Variants in TAFA1 observed in about 807,000 individuals in gnomAD.
TAFA1 encodes the protein chemokine-like protein TAFA-1.
TAFA1 carries 4 observed loss-of-function variants against 18.5 expected under a neutral mutation model. The ratio of observed to expected loss-of-function variants is 0.22; its 90% CI spans 0.11 to 0.49. The LOEUF is 0.49. TAFA1 is among the 20% of genes least tolerant of loss of function. The pLI is 0.98. For missense variants in TAFA1, 147 were observed against 169.0 expected, an observed-to-expected ratio of 0.87 and a Z score of 0.72; for synonymous variants, 56 against 55.2, an observed-to-expected ratio of 1.01 and a Z score of -0.06.
chr3:68,515,001 C>A (rs951654184), intron 3 of TAFA1, among the ~76,000 whole-genome samples: 14 of 152,126 alleles, frequency 9.2e-5, no homozygotes, highest in African/African-American at 3.4e-4. Flanking sequence ...TCAAACTACT[C>A]ATGGACAGAG....
Position 68,331,720 on chromosome 3 carries a change from C to T in TAFA1, c.119-85560C>T, listed in dbSNP as rs576288504. On this transcript the variant is annotated intron_variant, in intron 2 of 4. Transcript: ENST00000478136. ...CCTGATTGCAAATTATATTACAGAG[C>T]TACAGGTGTAAAACAGATACACAGA... 9.2e-5 allele frequency among the ~76,000 whole-genome samples: 14 copies of T among 152,092 alleles called. No homozygotes were observed. The South Asian group carries it at 2.9e-3, about 32-fold the overall frequency.
chr3:68,359,557 G>T (rs2069433018), intron 2 of TAFA1, among the ~76,000 whole-genome samples: 1 of 151,922 alleles, frequency 6.6e-6, no homozygotes, highest in African/African-American at 2.4e-5. Flanking sequence ...ATTCACCATG[G>T]AATGTGGGCA....
intron 2 of TAFA1, among the ~76,000 whole-genome samples, chr3:68,285,891 A>AT (rs1217065264): frequency 2.0e-5 from 3 of 152,208 alleles, no homozygotes; most frequent in Admixed American, 2.0e-4. Context: ...AGACTTATGA[A>AT]TTAGGAGACT....
intron 2 of TAFA1, among the ~76,000 whole-genome samples, chr3:68,234,790 T>C (rs768011340): frequency 5.9e-5 from 9 of 152,224 alleles, no homozygotes; most frequent in Non-Finnish European, 1.0e-4. Context: ...TAAATATACA[T>C]AGATTTCCTC....
intron 2 of TAFA1, among the ~76,000 whole-genome samples, chr3:68,101,170 T>C (rs2065143186): frequency 6.6e-6 from 1 of 152,068 alleles, no homozygotes; most frequent in African/African-American, 2.4e-5. Context: ...CCACCCTCCA[T>C]CCTCTGATAC....
At chr3:68,063,889 G>A (rs2064638637) in intron 2 of TAFA1, among the ~76,000 whole-genome samples, 1 of 152,158 alleles carries the variant, frequency 6.6e-6, no homozygotes, top group Non-Finnish European at 1.5e-5. Context: ...CGGAACCAGT[G>A]TAGCAGTAAA....
At chr3:68,106,085 C>T (rs1160592821) in intron 2 of TAFA1, among the ~76,000 whole-genome samples, 2 of 151,708 alleles carry the variant, frequency 1.3e-5, no homozygotes, top group Non-Finnish European at 1.5e-5. Flanking sequence ...CTAACTTTCA[C>T]ACACAAAAAT....
intron 2 of TAFA1, among the ~76,000 whole-genome samples, chr3:68,079,291 G>GT (rs1307591271): frequency 1.3e-5 from 2 of 152,072 alleles, no homozygotes; most frequent in African/African-American, 2.4e-5. Context: ...TTTTTGAAGG[G>GT]TTTTTTGTGT....
intron 3 of TAFA1, among the ~76,000 whole-genome samples, chr3:68,491,989 TA>T (rs1192277377): frequency 6.6e-6 from 1 of 152,158 alleles, no homozygotes. Context: ...ACCTCAATAG[TA>T]AAAAACATTT....
chr3:67,996,153 C>G, the TAFA1 span, among the ~76,000 whole-genome samples: 1 of 152,094 alleles, frequency 6.6e-6, no homozygotes, highest in African/African-American at 2.4e-5. Flanking sequence ...GTCTCCGTAC[C>G]TCATTTGTTG....
intron 2 of TAFA1, among the ~76,000 whole-genome samples, chr3:68,077,950 T>G (rs1270106021): frequency 6.6e-6 from 1 of 152,188 alleles, no homozygotes; most frequent in Non-Finnish European, 1.5e-5. Context: ...GAGCATGGAA[T>G]CTTCTTCCAT....
At chr3:68,010,153 T>A (rs1304774706) in intron 2 of TAFA1, among the ~76,000 whole-genome samples, 1 of 152,152 alleles carries the variant, frequency 6.6e-6, no homozygotes, top group East Asian at 1.9e-4. Flanking sequence ...ACTCAGAGCC[T>A]TGAATGGAAG....
At chr3:68,139,317 G>C (rs887776794) in intron 2 of TAFA1, among the ~76,000 whole-genome samples, 1 of 152,162 alleles carries the variant, frequency 6.6e-6, no homozygotes. Context: ...AATAGGTTCC[G>C]TAGAGTGAAC....
intron 3 of TAFA1, among the ~76,000 whole-genome samples, chr3:68,424,832 C>A (rs770861947): frequency 1.3e-4 from 20 of 151,946 alleles, no homozygotes; most frequent in Non-Finnish European, 2.5e-4. Flanking sequence ...ATTTCCCAAA[C>A]TTTTTAGAAC....
intron 2 of TAFA1, among the ~76,000 whole-genome samples, chr3:68,112,869 T>C (rs2065277515): frequency 6.6e-6 from 1 of 152,132 alleles, no homozygotes; most frequent in Non-Finnish European, 1.5e-5. Context: ...ATATGGAATG[T>C]TCCTATCAAT....
intron 2 of TAFA1, chr3:68,145,687 T>C: frequency 2.3e-6 from 2 of 864,174 alleles, no homozygotes; most frequent in South Asian, 1.3e-5. Flanking sequence ...CTGACAAATA[T>C]AGAAATGTAA....
intron 2 of TAFA1, among the ~76,000 whole-genome samples, chr3:68,302,956 C>T (rs543527861): frequency 4.9e-4 from 75 of 152,246 alleles, no homozygotes; most frequent in South Asian, 1.9e-3. Context: ...TGAACCTCTG[C>T]GTCTCAGTTT....
At chr3:68,243,630 C>T (rs1383236847) in intron 2 of TAFA1, among the ~76,000 whole-genome samples, 1 of 151,986 alleles carries the variant, frequency 6.6e-6, no homozygotes, top group Non-Finnish European at 1.5e-5. Flanking sequence ...GTCAATAGTT[C>T]ATTTCTTTTT....
At chr3:68,449,830 G>T (rs1465157383) in intron 3 of TAFA1, among the ~76,000 whole-genome samples, 1 of 152,186 alleles carries the variant, frequency 6.6e-6, no homozygotes, top group African/African-American at 2.4e-5. Context: ...TGAGTACAGA[G>T]TACTTTTGGT....
Sources: allele counts gnomAD v4.1 joint callset (sites outside exome capture counted in the v4.1 genomes callset), GRCh38; gene constraint gnomAD v4.1.1; transcripts MANE v1.5; gene names NCBI Gene and HGNC (gene_info 2026-07-23, HGNC 2026-07-21).